The following OOSP4B variants were observed in gnomAD, a reference collection of about 807,000 sequenced individuals.
OOSP4B encodes the protein oocyte-secreted protein 4B.
intron 3 of OOSP4B, among the ~76,000 whole-genome samples, chr11:60,029,552 C>T (rs1303876241): frequency 6.6e-6 from 1 of 152,038 alleles, no homozygotes; most frequent in African/African-American, 2.4e-5. Context: ...TTATTGACCC[C>T]GGAGCCTCAA....
At chr11:60,024,649 A>G (rs910029872) in intron 2 of OOSP4B, among the ~76,000 whole-genome samples, 19 of 152,316 alleles carry the variant, frequency 1.2e-4, no homozygotes, top group Admixed American at 1.0e-3. Flanking sequence ...ACTACTTTGG[A>G]AAAAGCACAT....
At chr11:60,020,212 C>CGGG (rs997359210) in intron 1 of OOSP4B, among the ~76,000 whole-genome samples, 1 of 152,062 alleles carries the variant, frequency 6.6e-6, no homozygotes, top group African/African-American at 2.4e-5. Context: ...GATCCCATAC[C>CGGG]GGGGCTGCAG....
intron 3 of OOSP4B, 45 bp downstream of exon 3, chr11:60,025,050 G>A (rs1159990046): frequency 2.5e-6 from 1 of 397,680 alleles, no homozygotes; most frequent in Non-Finnish European, 4.4e-6. Flanking sequence ...TTTATTATTT[G>A]GTTGATAGAT....
exon 2 of OOSP4B, chr11:60,023,921 A>G (rs1854719783): frequency 7.5e-6 from 3 of 398,576 alleles, no homozygotes; most frequent in Non-Finnish European, 8.8e-6. Flanking sequence ...GTTAGTCAGA[A>G]TGAAAATAAG....
At chr11:60,020,604 A>C (rs1393220051) in intron 1 of OOSP4B, among the ~76,000 whole-genome samples, 1 of 152,094 alleles carries the variant, frequency 6.6e-6, no homozygotes, top group Non-Finnish European at 1.5e-5. Flanking sequence ...CTCTCCCTCC[A>C]CACCTCCCCG....
At chr11:60,018,635 AC>A (rs1225029310) in intron 1 of OOSP4B, among the ~76,000 whole-genome samples, 1 of 152,214 alleles carries the variant, frequency 6.6e-6, no homozygotes, top group Non-Finnish European at 1.5e-5. Context: ...GCCTCTTTGT[AC>A]TTCTCAGAGT....
chr11:60,030,929 G>C (rs771172658), exon 5 of OOSP4B: 1 of 397,154 alleles, frequency 2.5e-6, no homozygotes, highest in Non-Finnish European at 4.4e-6. Flanking sequence ...TGATGTGTCT[G>C]TACAAAGATG....
intron 1 of OOSP4B, among the ~76,000 whole-genome samples, chr11:60,019,209 C>T (rs942666355): frequency 8.6e-5 from 13 of 151,270 alleles, no homozygotes; most frequent in East Asian, 3.9e-4. Context: ...GGCGACAGAG[C>T]GAGACTCTTT....
At chr11:60,027,655 TAAAAAAAAAAAAA>T (rs61649958) in intron 3 of OOSP4B, among the ~76,000 whole-genome samples, 3 of 62,236 alleles carry the variant, frequency 4.8e-5, no homozygotes, top group East Asian at 7.8e-4. Context: ...GCTATGATAT[TAAAAAAAAAAAAA>T]AAAAAAAAAA....
chr11:60,019,908 T>C (rs1453543784), intron 1 of OOSP4B, among the ~76,000 whole-genome samples: 7 of 152,154 alleles, frequency 4.6e-5, no homozygotes, highest in Non-Finnish European at 1.0e-4. Context: ...GGGTGCTGAT[T>C]GGTGCGTTTA....
chr11:60,028,999 A>T (rs1590595492), intron 3 of OOSP4B, among the ~76,000 whole-genome samples: 1 of 147,152 alleles, frequency 6.8e-6, no homozygotes, highest in Non-Finnish European at 1.5e-5. Flanking sequence ...TCAAAAAAAA[A>T]TGGTTTCAAT....
At chr11:60,019,045 C>T (rs537185) in intron 1 of OOSP4B, among the ~76,000 whole-genome samples, 20,160 of 151,776 alleles carry the variant, frequency 0.13, 1,456 homozygotes, top group South Asian at 0.27. Flanking sequence ...GGCGAAACCC[C>T]GTCTCTACTA....
chr11:60,017,953 C>T (rs1412938726), intron 1 of OOSP4B, among the ~76,000 whole-genome samples: 1 of 152,138 alleles, frequency 6.6e-6, no homozygotes, highest in Non-Finnish European at 1.5e-5. Flanking sequence ...AACAGTTGAG[C>T]CCCAGCATTG....
intron 1 of OOSP4B, among the ~76,000 whole-genome samples, chr11:60,019,247 C>T (rs1854661078): frequency 6.6e-6 from 1 of 152,022 alleles, no homozygotes. Context: ...AAAAAATAAC[C>T]TAGTGCCTGT....
chr11:60,027,309 C>T (rs1280699321), intron 3 of OOSP4B, among the ~76,000 whole-genome samples: 1 of 152,070 alleles, frequency 6.6e-6, no homozygotes, highest in Non-Finnish European at 1.5e-5. Context: ...CCTCTCTTGC[C>T]TGGCTAAGAT....
intron 2 of OOSP4B, among the ~76,000 whole-genome samples, chr11:60,024,517 G>T (rs1854725649): frequency 1.3e-5 from 2 of 152,182 alleles, no homozygotes; most frequent in African/African-American, 4.8e-5. Flanking sequence ...TCCAGCCTGG[G>T]TGATAAGTGA....
intron 3 of OOSP4B, among the ~76,000 whole-genome samples, chr11:60,025,582 C>T (rs1290446427): frequency 6.6e-6 from 1 of 152,084 alleles, no homozygotes; most frequent in Non-Finnish European, 1.5e-5. Flanking sequence ...GTTTGAAACT[C>T]GTTTATGTTG....
At chr11:60,023,012 T>G (rs1200337993) in intron 1 of OOSP4B, among the ~76,000 whole-genome samples, 1 of 152,206 alleles carries the variant, frequency 6.6e-6, no homozygotes, top group Non-Finnish European at 1.5e-5. Flanking sequence ...ATTAAATTGT[T>G]TTTACCTTAA....
chr11:60,029,984 C>T (rs1271448627), intron 4 of OOSP4B, 55 bp downstream of exon 4: 4 of 397,252 alleles, frequency 1.0e-5, no homozygotes, highest in Non-Finnish European at 1.8e-5. Flanking sequence ...TTAAATATAA[C>T]TTCAAGGAAG....
Sources: allele counts gnomAD v4.1 joint callset (sites outside exome capture counted in the v4.1 genomes callset), GRCh38; gene constraint gnomAD v4.1.1; transcripts MANE v1.5; gene names NCBI Gene and HGNC (gene_info 2026-07-23, HGNC 2026-07-21).